ARID1B: variants seen among roughly 807,000 people sequenced by gnomAD.
ARID1B encodes the protein AT-rich interaction domain 1B.
In ARID1B, 30 loss-of-function variants were observed where a neutral mutation model predicts 212.3. The ratio of observed to expected loss-of-function variants is 0.14; its 90% CI spans 0.11 to 0.19. The LOEUF is 0.19. Ranked by LOEUF, ARID1B falls within the 10% of genes least tolerant of loss-of-function variation. The pLI is 1.00. For synonymous variants in ARID1B, 1,402 were observed against 1,301.7 expected (o/e 1.08, Z -1.66); for missense variants, 2,891 against 3,204.0 (o/e 0.90, Z 2.36).
At position 157,094,654 on chromosome 6, in the gene ARID1B, C is replaced by T. The variant is rs188073127; in HGVS notation, c.2491+9749C>T. Among the ~76,000 whole-genome samples the T allele has an allele frequency of 1.3e-4, 20 of 152,152 alleles. No individual in the cohort carries two copies. Among genetic ancestry groups the T allele is most frequent in the Middle Eastern group, 6.8e-3 (2 of 294 alleles). ...ACAGGCGTGAGCCACCGCGCCTGGC[C>T]GATTTAGGAGTTTAAGTGTGATGTG... is the stretch of plus-strand genomic sequence containing the variant. On this transcript the variant is annotated intron_variant, in intron 5 of 19. Coordinates refer to ENST00000636930, the MANE Select transcript of ARID1B (RefSeq NM_001374828.1). The surrounding 1 kb of genome is among the most constrained non-coding windows in gnomAD (Gnocchi z 4.3).
At chr6:156,790,339 G>A (rs904334414) in intron 1 of ARID1B, among the ~76,000 whole-genome samples, 1 of 152,196 alleles carries the variant, frequency 6.6e-6, no homozygotes, top group Non-Finnish European at 1.5e-5. Flanking sequence ...ATTAATTGTT[G>A]AGCATAGAGT....
At chr6:156,885,050 A>C (rs924055543) in intron 2 of ARID1B, among the ~76,000 whole-genome samples, 2 of 152,218 alleles carry the variant, frequency 1.3e-5, no homozygotes, top group African/African-American at 4.8e-5. Context: ...GGATTTATTA[A>C]AGTGAAAATC....
In ARID1B at chr6:156,778,162, C is replaced by T. The variant is rs752961325; in HGVS notation, c.482C>T (p.Ala161Val). 17 of 1,542,118 alleles carry T rather than the reference C, an allele frequency of 1.1e-5. No individual in the cohort carries two copies. The highest frequency in any genetic ancestry group is 4.8e-5 in the South Asian group (4 of 83,976). The change falls in exon 1 of 20, where the codon GCG becomes GTG. Residue 161 changes from alanine to valine, a missense_variant. This residue lies in a region of ARID1B where 1,643 missense variants were observed against 1,544.0 expected (regional missense o/e 1.06). Transcript: ENST00000636930. Reference protein sequence around the residue: ...KLKTVGEAPAAPPHQQHHHHH... With the variant: ...KLKTVGEAPAVPPHQQHHHHH... Reference sequence around the variant, plus strand: ...AAAACCGTTGGCGAAGCCCCCGCCGCGCCGCCCCACCAGCAGCACCACCAC... The same window carrying T: ...AAAACCGTTGGCGAAGCCCCCGCCGTGCCGCCCCACCAGCAGCACCACCAC...
chr6:156,802,045 T>C (rs974570528), intron 1 of ARID1B, among the ~76,000 whole-genome samples: 3 of 152,264 alleles, frequency 2.0e-5, no homozygotes, highest in African/African-American at 7.2e-5. Context: ...GGTGCTGTTC[T>C]ATCGAAGGTG....
At chr6:157,145,376 G>C (rs1292451065) in intron 7 of ARID1B, among the ~76,000 whole-genome samples, 1 of 152,162 alleles carries the variant, frequency 6.6e-6, no homozygotes, top group African/African-American at 2.4e-5. Context: ...GAGCAATCGT[G>C]ATAGAGACTG....
At position 157,203,867 on chromosome 6, in the gene ARID1B, T is replaced by C. The variant is rs768949418; in HGVS notation, c.5265T>C (p.Val1755=). The C allele has an allele frequency of 1.2e-5, 19 of 1,614,090 alleles. No homozygotes were observed. In the South Asian group the frequency reaches 2.1e-4, roughly 18 times the overall value. ...ATCCTTGTTCTTCCCCATCTTCAGT[T>C]ACTCCTGAGGCGTGGCGTGTGATGA... ...QRRKITSKDI[V]TPEAWRVMMS... is the part of the protein sequence containing the mutation. The change falls in exon 19 of 20, where the codon GTT becomes GTC. Residue 1755 remains valine (V), a splice_region_variant and synonymous_variant. Transcript: ENST00000636930. This position sits in a 1 kb window ranked among gnomAD's most constrained non-coding sequence, Gnocchi z 4.4.
intron 15 of ARID1B, chr6:157,194,568 G>A (rs972736801): frequency 3.3e-5 from 5 of 152,156 alleles, no homozygotes; most frequent in African/African-American, 4.8e-5. Context: ...TTTCCTTCAG[G>A]CTCTGAGCTG....
At chr6:156,869,672 G>A (rs947300617) in intron 2 of ARID1B, among the ~76,000 whole-genome samples, 2 of 152,180 alleles carry the variant, frequency 1.3e-5, no homozygotes, top group Non-Finnish European at 2.9e-5. Flanking sequence ...GGAAGCTACA[G>A]GAATTAATAC....
At chr6:156,947,556 A>G (rs1308115088) in intron 4 of ARID1B, among the ~76,000 whole-genome samples, 1 of 151,894 alleles carries the variant, frequency 6.6e-6, no homozygotes, top group African/African-American at 2.4e-5. Flanking sequence ...GTTGAGCACC[A>G]GGAGTTTCTT....
intron 4 of ARID1B, among the ~76,000 whole-genome samples, chr6:156,945,306 A>G (rs1793033407): frequency 8.7e-6 from 1 of 115,464 alleles, no homozygotes. Flanking sequence ...ATCTGGGTAG[A>G]GTGGTGTGTT....
intron 2 of ARID1B, among the ~76,000 whole-genome samples, chr6:156,856,732 ACACACAC>A: frequency 7.1e-6 from 1 of 140,828 alleles, no homozygotes; most frequent in Non-Finnish European, 1.6e-5. Flanking sequence ...ACACACACAC[ACACACAC>A]ACAAACTGAT....
intron 5 of ARID1B, among the ~76,000 whole-genome samples, chr6:157,096,059 C>G (rs570656516): frequency 2.1e-4 from 32 of 152,188 alleles, no homozygotes; most frequent in Non-Finnish European, 3.7e-4. Context: ...TTTATCCTTT[C>G]TGCCTGGAAC....
At chr6:156,948,778 T>G (rs1793360750) in intron 4 of ARID1B, among the ~76,000 whole-genome samples, 1 of 152,228 alleles carries the variant, frequency 6.6e-6, no homozygotes, top group Admixed American at 6.5e-5. Flanking sequence ...CCATAACACA[T>G]TCAGGAATAA....
chr6:157,023,392 T>G (rs993790674), intron 4 of ARID1B: 1 of 152,202 alleles, frequency 6.6e-6, no homozygotes, highest in Non-Finnish European at 1.5e-5. Flanking sequence ...CCTAGCTTTG[T>G]GAATACTGAA....
intron 4 of ARID1B, among the ~76,000 whole-genome samples, chr6:156,945,233 C>CTTTTTTTTTTTTTTTT (rs1164805779): frequency 9.2e-5 from 3 of 32,664 alleles, no homozygotes; most frequent in Non-Finnish European, 1.2e-4. Flanking sequence ...CCGCATCCGG[C>CTTTTTTTTTTTTTTTT]TTTTTTTTTT....
chr6:156,824,201 A>C (rs1336874888), intron 1 of ARID1B, among the ~76,000 whole-genome samples: 1 of 152,242 alleles, frequency 6.6e-6, no homozygotes, highest in Non-Finnish European at 1.5e-5. Context: ...AATTGCATTA[A>C]AAGCCAAGTA....
chr6:156,916,366 A>T (rs2128234260), intron 3 of ARID1B, among the ~76,000 whole-genome samples: 1 of 152,326 alleles, frequency 6.6e-6, no homozygotes, highest in Admixed American at 6.5e-5. Flanking sequence ...GAGGATAACT[A>T]GGACATCAGA....
At chr6:156,882,529 A>G (rs1787180429) in intron 2 of ARID1B, among the ~76,000 whole-genome samples, 1 of 152,362 alleles carries the variant, frequency 6.6e-6, no homozygotes, top group South Asian at 2.1e-4. Context: ...AAGCGTAGCT[A>G]CAGATACCAA....
intron 5 of ARID1B, among the ~76,000 whole-genome samples, chr6:157,100,477 A>C (rs548105743): frequency 6.6e-6 from 1 of 152,316 alleles, no homozygotes; most frequent in Admixed American, 6.5e-5. Context: ...CTTCATTCTG[A>C]GAATAAGTGG....
Sources: gnomAD v4.1 joint callset for allele counts (sites outside exome capture counted in the v4.1 genomes callset) on GRCh38, gnomAD v4.1.1 for gene constraint, gnomAD v4.1.1 regional missense constraint, Gnocchi (gnomAD v3.1) non-coding constraint, MANE v1.5 for transcripts, NCBI Gene and HGNC (gene_info 2026-07-23, HGNC 2026-07-21) for gene names.